Variants in PTPRN observed in about 807,000 individuals in gnomAD.
PTPRN encodes protein tyrosine phosphatase receptor type N, also known as receptor-type tyrosine-protein phosphatase-like N.
Under a neutral mutation model 108.5 loss-of-function variants are expected in PTPRN, and 70 were observed. That is an observed-to-expected ratio of 0.65 (90% CI 0.53 to 0.79). The LOEUF is 0.79. PTPRN is among the 30% of genes least tolerant of loss of function. The probability of loss-of-function intolerance (pLI) is 0.00; values close to 1 mark genes in which losing one functional copy is unlikely to be tolerated. For synonymous variants in PTPRN, 496 were observed against 524.6 expected (o/e 0.95, Z 0.75); for missense variants, 1,136 against 1,295.5 (o/e 0.88, Z 1.89).
At chr2:219,306,472 C>T (rs1952486377) in intron 3 of PTPRN, among the ~76,000 whole-genome samples, 1 of 152,222 alleles carries the variant, frequency 6.6e-6, no homozygotes, top group Non-Finnish European at 1.5e-5. Context: ...CTCACCAACT[C>T]TTGACTCCAT....
In PTPRN at chr2:219,302,729, C is replaced by T. The variant is rs150905697; in HGVS notation, c.486G>A (p.Val162=). The part of the protein sequence containing the change: ...AAQHRLPQPP[V]GKGGAGASSS... ...AGCTGGCCCCAGCTCCACCTTTGCC[C>T]ACTGGTGGTTGTGGAAGCCGATGCT... is the stretch of plus-strand genomic sequence containing the variant. Residue 162 remains valine (V), a synonymous_variant, in exon 5 of 23, where the codon GTG becomes GTA. Transcript: ENST00000295718. 1.9e-6 allele frequency: 3 copies of T among 1,613,394 alleles called. No individual in the cohort carries two copies. Among genetic ancestry groups the T allele is most frequent in the African/African-American group, 2.7e-5 (2 of 74,912 alleles).
chr2:219,298,065 G>A lies in PTPRN; in HGVS notation c.1707C>T (p.His569=), dbSNP rs766874132. Residue 569 remains histidine (H), a synonymous_variant, in exon 13 of 23, where the codon CAC becomes CAT. Coordinates refer to ENST00000295718, the MANE Select transcript of PTPRN (RefSeq NM_002846.4). ...EAAAVLPQTA[H]STSPMRSVLL... Reference sequence around the variant, plus strand: ...GCACTGAGCGCATGGGTGAGGTGCTGTGCGCAGTTTGGGGAAGGACTGCAG... The same window carrying A: ...GCACTGAGCGCATGGGTGAGGTGCTATGCGCAGTTTGGGGAAGGACTGCAG... The A allele has an allele frequency of 4.3e-6, 7 of 1,613,854 alleles. No homozygotes were observed. In the Admixed American group the frequency reaches 6.7e-5, roughly 15 times the overall value.
intron 10 of PTPRN, 151 bp downstream of exon 10, chr2:219,299,549 G>C: frequency 1.8e-6 from 2 of 1,134,980 alleles, no homozygotes; most frequent in East Asian, 2.4e-5. Context: ...GGCCAGCAAC[G>C]GGCTGGGTGT....
chr2:219,296,249 C>T lies in PTPRN; in HGVS notation c.2485G>A (p.Ala829Thr). The T allele has an allele frequency of 1.9e-6, 3 of 1,614,146 alleles. No individual in the cohort carries two copies. The highest frequency in any genetic ancestry group is 1.7e-5 in the Admixed American group (1 of 60,014). Reference sequence around the variant, plus strand: ...ACCTCATATACGTGGTAGAGGGAGGCACCCTCATCTGGCCAGTAGCGGTCA... The same window carrying T: ...ACCTCATATACGTGGTAGAGGGAGGTACCCTCATCTGGCCAGTAGCGGTCA... ...QCDRYWPDEG[A>T]SLYHVYEVNL... The change falls in exon 18 of 23, where the codon GCC becomes ACC. Residue 829 changes from alanine to threonine, a missense_variant. Coordinates refer to ENST00000295718, the MANE Select transcript of PTPRN (RefSeq NM_002846.4). This position sits in a 1 kb window ranked among gnomAD's most constrained non-coding sequence, Gnocchi z 6.0.
chr2:219,298,910 T>C (rs534151233), intron 12 of PTPRN, 137 bp downstream of exon 12: 5 of 988,618 alleles, frequency 5.1e-6, no homozygotes, highest in Admixed American at 3.4e-5. Context: ...GAGGGGCTGC[T>C]TGGGCGAAGG....
chr2:219,290,376 G>T lies in PTPRN; in HGVS notation c.2869-79C>A. On this transcript the variant is annotated intron_variant, in intron 22 of 22. Transcript: ENST00000295718. The surrounding 1 kb of genome is among the most constrained non-coding windows in gnomAD (Gnocchi z 4.2). ...CCTCAAGATGGGGGGCTTTTGGTGG[G>T]GGGAGGGCCCTGGGCAGGTCCCCTG... The T allele has an allele frequency of 1.4e-6, 2 of 1,421,342 alleles. No individual in the cohort carries two copies. The highest frequency in any genetic ancestry group is 1.2e-5 in the South Asian group (1 of 83,832). The allele number at this position is 1,421,342 out of a possible 1,614,324, so 88.0% of individuals were successfully genotyped here. A position where few individuals can be genotyped will look rare whatever the true frequency, so the allele number is the denominator to read the frequency against.
chr2:219,294,734 G>A lies in PTPRN; in HGVS notation c.2675+241C>T, dbSNP rs373967630. ...GCCAGTCCCGGGAGCGTGAGAGGGA[G>A]GGAGCAGAGCAGCAGCGGCCGGCGC... On this transcript the variant is annotated intron_variant, in intron 19 of 22. Coordinates refer to ENST00000295718, the MANE Select transcript of PTPRN (RefSeq NM_002846.4). 6.6e-5 allele frequency among the ~76,000 whole-genome samples: 10 copies of A among 152,298 alleles called. No homozygotes were observed. In the East Asian group the frequency reaches 1.2e-3, roughly 18 times the overall value.
chr2:219,291,616 T>C (rs981584742), intron 19 of PTPRN, 93 bp from the exon 20 acceptor site: 9 of 1,292,060 alleles, frequency 7.0e-6, no homozygotes, highest in Non-Finnish European at 5.6e-6. Context: ...TTTCTTCCTT[T>C]TCTCCCCACC....
intron 3 of PTPRN, among the ~76,000 whole-genome samples, chr2:219,305,756 C>T (rs771645243): frequency 6.6e-5 from 10 of 152,168 alleles, no homozygotes; most frequent in Non-Finnish European, 1.5e-4. Flanking sequence ...TTAAACTCAA[C>T]ATATTCAAAG....
intron 7 of PTPRN, among the ~76,000 whole-genome samples, 170 bp downstream of exon 7, chr2:219,301,418 C>A (rs544918348): frequency 2.6e-5 from 4 of 152,338 alleles, no homozygotes; most frequent in Admixed American, 2.0e-4. Context: ...AGCTTGCCAC[C>A]CTACCCCCTT....
At chr2:219,298,361 T>G (rs546974613) in intron 12 of PTPRN, among the ~76,000 whole-genome samples, 5 of 152,186 alleles carry the variant, frequency 3.3e-5, no homozygotes, top group Non-Finnish European at 7.4e-5. Flanking sequence ...ACCCTAGGAA[T>G]TGAATTGTAG....
chr2:219,293,217 G>A (rs544220281), intron 19 of PTPRN, among the ~76,000 whole-genome samples: 1 of 152,028 alleles, frequency 6.6e-6, no homozygotes, highest in East Asian at 1.9e-4. Context: ...GTCTGGCTCT[G>A]TTGCCCAAGT....
intron 11 of PTPRN, 52 bp from the exon 12 acceptor site, chr2:219,299,163 C>T (rs767606666): frequency 8.7e-6 from 14 of 1,610,860 alleles, no homozygotes; most frequent in Non-Finnish European, 1.1e-5. Flanking sequence ...GGTCTCCATC[C>T]TCTGTCTTGC....
At chr2:219,293,890 A>T (rs556414742) in intron 19 of PTPRN, among the ~76,000 whole-genome samples, 1 of 152,334 alleles carries the variant, frequency 6.6e-6, no homozygotes, top group East Asian at 1.9e-4. Context: ...TGGGGCTAGG[A>T]AAAGCAGGGG....
Position 219,297,737 on chromosome 2 carries a change from C to T in PTPRN, c.1887+148G>A, listed in dbSNP as rs1001098966. The T allele has an allele frequency of 2.5e-5, 24 of 949,228 alleles. No individual in the cohort carries two copies. Among genetic ancestry groups the T allele is most frequent in the Non-Finnish European group, 3.4e-5 (22 of 637,856 alleles). 58.8% of individuals were successfully genotyped at this position (949,228 alleles called of 1,614,324 possible). ...TTCATAAAGGCCCCTACCATACTCCCTCCCACTGGGGCTTCTCCAGCCTCC... is the reference window on the plus strand; with the variant it reads ...TTCATAAAGGCCCCTACCATACTCCTTCCCACTGGGGCTTCTCCAGCCTCC... On this transcript the variant is annotated intron_variant, in intron 13 of 22. Transcript: ENST00000295718. The surrounding 1 kb of genome is among the most constrained non-coding windows in gnomAD (Gnocchi z 6.0).
rs752790075 is a variant in PTPRN, at chr2:219,301,605, C to T, written c.1109G>A (p.Gly370Asp). ...ACACTTACCCGGATTTCTTCCTGCA[C>T]CCTTGGGCAGTAGCTGCAGCAGGGT... The part of the protein sequence containing the change: ...LLTLLQLLPK[G>D]AGRNPGGVVN... Residue 370 changes from glycine (G) to aspartate (D), a missense_variant, in exon 7 of 23, where the codon GGT becomes GAT. By Grantham distance (94) the Gly-to-Asp change is moderately conservative. Transcript: ENST00000295718. 1 of 1,612,006 alleles carries T rather than the reference C, an allele frequency of 6.2e-7. No individual in the cohort carries two copies. Among genetic ancestry groups the T allele is most frequent in the Non-Finnish European group, 8.5e-7 (1 of 1,178,248 alleles).
chr2:219,304,667 G>A (rs1952439029), intron 3 of PTPRN, among the ~76,000 whole-genome samples: 1 of 152,108 alleles, frequency 6.6e-6, no homozygotes, highest in Non-Finnish European at 1.5e-5. Context: ...CATTAGATGA[G>A]CTGTCTGTGT....
At position 219,296,072 on chromosome 2, in the gene PTPRN, A is replaced by T; in HGVS notation, c.2508+154T>A. ...TATATGGGTATGCATATATGTGTTT[A>T]TATATATTCATATATGTATGAATCA... On this transcript the variant is annotated intron_variant, in intron 18 of 22. Transcript: ENST00000295718. This position sits in a 1 kb window ranked among gnomAD's most constrained non-coding sequence, Gnocchi z 6.0. The T allele has an allele frequency of 4.6e-6, 5 of 1,076,912 alleles. No individual in the cohort carries two copies. The highest frequency in any genetic ancestry group is 6.8e-6 in the Non-Finnish European group (5 of 737,462). The allele number at this position is 1,076,912 out of a possible 1,614,324, so 66.7% of individuals were successfully genotyped here. A position where few individuals can be genotyped will look rare whatever the true frequency, so the allele number is the denominator to read the frequency against.
At chr2:219,300,530 G>A (rs958802275) in intron 8 of PTPRN, 6 of 478,428 alleles carry the variant, frequency 1.3e-5, no homozygotes, top group Non-Finnish European at 2.2e-5. Flanking sequence ...AGAGAAGCTG[G>A]GGTGAGGGTA....
Sources: allele counts gnomAD v4.1 joint callset (sites outside exome capture counted in the v4.1 genomes callset), GRCh38; gene constraint gnomAD v4.1.1; non-coding constraint Gnocchi (gnomAD v3.1); transcripts MANE v1.5; gene names NCBI Gene and HGNC (gene_info 2026-07-23, HGNC 2026-07-21).